Variants in PSD3 observed in about 807,000 individuals in gnomAD.
The protein encoded by PSD3 is PH and SEC7 domain-containing protein 3.
In PSD3, 49 loss-of-function variants were observed where a neutral mutation model predicts 105.5. The ratio of observed to expected loss-of-function variants is 0.46; its 90% confidence interval spans 0.37 to 0.59. The LOEUF is 0.59. PSD3 is among the 20% of genes least tolerant of loss of function. The pLI is 0.00. For missense variants in PSD3, 1,561 were observed against 1,263.8 expected (o/e 1.24, Z -3.57); for synonymous variants, 557 against 457.8 (o/e 1.22, Z -2.77).
At position 18,872,281 on chromosome 8, in the gene PSD3, G is replaced by A. The variant is rs556444883; in HGVS notation, c.583C>T (p.Pro195Ser). ...KTLPAGQKNLPEIPLSAEVTT... is the reference protein window; with the variant it reads ...KTLPAGQKNLSEIPLSAEVTT... Reference sequence around the variant, plus strand: ...ACTTCAGCTGAAAGAGGTATTTCTGGTAAATTTTTTTGGCCAGCAGGGAGC... The same window carrying A: ...ACTTCAGCTGAAAGAGGTATTTCTGATAAATTTTTTTGGCCAGCAGGGAGC... The change falls in exon 3 of 16, where the codon CCA (proline) becomes TCA (serine). Residue 195 changes from proline to serine, a missense_variant. By Grantham distance (74) the Pro-to-Ser change is moderately conservative. Transcript: ENST00000327040. 1.2e-6 allele frequency: 2 copies of A among 1,614,174 alleles called. No individual in the cohort carries two copies. The highest frequency in any genetic ancestry group is 4.5e-5 in the East Asian group (2 of 44,878).
chr8:18,843,223 C>T (rs1477783313), intron 4 of PSD3, among the ~76,000 whole-genome samples: 2 of 150,866 alleles, frequency 1.3e-5, no homozygotes, highest in South Asian at 2.1e-4. Context: ...TAGCCAGGTG[C>T]GGTGGCAGGC....
At chr8:18,746,287 G>A (rs954210528) in intron 9 of PSD3, among the ~76,000 whole-genome samples, 1 of 152,060 alleles carries the variant, frequency 6.6e-6, no homozygotes, top group African/African-American at 2.4e-5. Flanking sequence ...TCCATAAAGG[G>A]CCCCAGACCC....
At chr8:18,641,226 C>A (rs764814351) in intron 10 of PSD3, among the ~76,000 whole-genome samples, 1 of 152,126 alleles carries the variant, frequency 6.6e-6, no homozygotes, top group African/African-American at 2.4e-5. Flanking sequence ...ACCTTACAAC[C>A]AGCCTAGAAG....
In PSD3 at chr8:18,823,093, G is replaced by C. The variant is rs544645805; in HGVS notation, c.1635-18195C>G. Among the ~76,000 whole-genome samples, 17 of 54,082 alleles carry C rather than the reference G, an allele frequency of 3.1e-4. No homozygotes were observed. The South Asian group carries it at 0.018, about 56-fold the overall frequency. 35.5% of individuals were successfully genotyped at this position (54,082 alleles called of 152,430 possible). On this transcript the variant is annotated intron_variant, in intron 4 of 15. Coordinates refer to ENST00000327040, the MANE Select transcript of PSD3 (RefSeq NM_015310.4). ...GAAGGAGGAAAAGGGAGAATGGAGA[G>C]ACAGGAAAAAAAAAAAAAAAACCTT...
intron 9 of PSD3, among the ~76,000 whole-genome samples, chr8:18,692,741 C>G (rs1002362650): frequency 1.3e-5 from 2 of 152,108 alleles, no homozygotes; most frequent in African/African-American, 4.8e-5. Flanking sequence ...TCACTTTGGG[C>G]ACATTTTCTG....
intron 9 of PSD3, chr8:18,720,860 T>C (rs1802923448): frequency 6.6e-6 from 1 of 152,140 alleles, no homozygotes; most frequent in Non-Finnish European, 1.5e-5. Context: ...TTATTTGTAG[T>C]GATGCCTTAA....
chr8:18,658,799 T>C (rs1302245529), intron 9 of PSD3, among the ~76,000 whole-genome samples: 2 of 142,946 alleles, frequency 1.4e-5, no homozygotes, highest in Non-Finnish European at 1.5e-5. Context: ...ATAATTAATG[T>C]AGTCAGATCA....
intron 11 of PSD3, among the ~76,000 whole-genome samples, chr8:18,616,972 T>C (rs1436746519): frequency 6.6e-6 from 1 of 152,174 alleles, no homozygotes; most frequent in Admixed American, 6.5e-5. Flanking sequence ...CCATTCTTTC[T>C]GTAACTTCAA....
At chr8:18,593,765 AC>A (rs1803792387) in intron 12 of PSD3, among the ~76,000 whole-genome samples, 1 of 152,038 alleles carries the variant, frequency 6.6e-6, no homozygotes, top group Non-Finnish European at 1.5e-5. Context: ...AAAATGTGGC[AC>A]ATATACACCA....
chr8:19,034,712 A>G (rs552801129), intron 1 of PSD3, among the ~76,000 whole-genome samples: 1 of 152,098 alleles, frequency 6.6e-6, no homozygotes, highest in African/African-American at 2.4e-5. Flanking sequence ...ATTTGGGCCC[A>G]GTCTTTTTGA....
intron 9 of PSD3, among the ~76,000 whole-genome samples, chr8:18,662,430 ATG>A (rs932879272): frequency 6.6e-6 from 1 of 152,146 alleles, no homozygotes; most frequent in Non-Finnish European, 1.5e-5. Flanking sequence ...CCTACTTACA[ATG>A]TGTGAGACAC....
chr8:18,698,577 C>T (rs1801394953), intron 9 of PSD3, among the ~76,000 whole-genome samples: 1 of 152,126 alleles, frequency 6.6e-6, no homozygotes, highest in African/African-American at 2.4e-5. Flanking sequence ...AAAGATTCTC[C>T]CCTCGAGCCT....
At position 18,722,113 on chromosome 8, in the gene PSD3, G is replaced by C. The variant is rs115323065; in HGVS notation, c.2172+43336C>G. On this transcript the variant is annotated intron_variant, in intron 9 of 15. Coordinates refer to ENST00000327040, the MANE Select transcript of PSD3 (RefSeq NM_015310.4). ...TTCAACTCCCCTTTCTCCCAGCTGC[G>C]GTATTGAACTTAAAAGTCTACTAGA... 3.3e-5 allele frequency among the ~76,000 whole-genome samples: 5 copies of C among 151,356 alleles called. No individual in the cohort carries two copies. The Admixed American group carries it at 3.3e-4, about 10-fold the overall frequency.
intron 4 of PSD3, among the ~76,000 whole-genome samples, chr8:18,819,232 A>G (rs1446848151): frequency 6.6e-6 from 1 of 152,234 alleles, no homozygotes; most frequent in Non-Finnish European, 1.5e-5. Flanking sequence ...GGGTAGGTTT[A>G]GTCAACAAAT....
chr8:18,655,211 C>T (rs572231579), intron 10 of PSD3, among the ~76,000 whole-genome samples: 7 of 151,304 alleles, frequency 4.6e-5, no homozygotes, highest in Admixed American at 4.6e-4. Flanking sequence ...CGCCTGTAGT[C>T]CCAGCTACTC....
intron 11 of PSD3, among the ~76,000 whole-genome samples, chr8:18,623,163 G>C (rs557888548): frequency 1.2e-4 from 19 of 152,120 alleles, no homozygotes; most frequent in African/African-American, 4.3e-4. Flanking sequence ...GGGATTACAG[G>C]CGTGAGCCAC....
chr8:18,956,036 G>T (rs1823551229), intron 1 of PSD3, among the ~76,000 whole-genome samples: 1 of 152,046 alleles, frequency 6.6e-6, no homozygotes. Flanking sequence ...CCAAAGTGCT[G>T]GGATTACAGA....
In PSD3 at chr8:18,531,616, T is replaced by G. The variant is rs1057016843; in HGVS notation, c.*4127A>C. 1.3e-5 allele frequency: 2 copies of G among 152,290 alleles called. No homozygotes were observed. The highest frequency in any genetic ancestry group is 2.9e-5 in the Non-Finnish European group (2 of 68,082). 9.4% of individuals were successfully genotyped at this position (152,290 alleles called of 1,614,324 possible). On this transcript the variant is annotated 3_prime_UTR_variant, in exon 16 of 16. Transcript: ENST00000327040. ...GGGAGACAAGATGGCCAGAAAGCTG[T>G]GGAGCAAGGTAGGAGGCCCAGAGGC... is the stretch of plus-strand genomic sequence containing the variant.
intron 8 of PSD3, among the ~76,000 whole-genome samples, chr8:18,797,540 G>A (rs1393340886): frequency 6.6e-6 from 1 of 152,082 alleles, no homozygotes; most frequent in African/African-American, 2.4e-5. Flanking sequence ...TGAAACCTGG[G>A]TGTCCACAGC....
Sources: gnomAD v4.1 joint callset for allele counts (sites outside exome capture counted in the v4.1 genomes callset) on GRCh38, gnomAD v4.1.1 for gene constraint, MANE v1.5 for transcripts, NCBI Gene and HGNC (gene_info 2026-07-23, HGNC 2026-07-21) for gene names.